Variants in SINHCAF observed in about 807,000 individuals in gnomAD.
SINHCAF encodes the protein SIN3-HDAC complex-associated factor.
SINHCAF carries 3 observed loss-of-function variants against 25.8 expected under a neutral mutation model. That is an observed-to-expected ratio of 0.12 (90% CI 0.05 to 0.30). SINHCAF has a LOEUF of 0.30. Ranked by LOEUF, SINHCAF falls within the 10% of genes least tolerant of loss-of-function variation. The probability of loss-of-function intolerance (pLI) is 1.00; values close to 1 mark genes in which losing one functional copy is unlikely to be tolerated. For synonymous variants in SINHCAF, 70 were observed against 85.5 expected, an observed-to-expected ratio of 0.82 and a Z score of 1.00; for missense variants, 121 against 262.3, an observed-to-expected ratio of 0.46 and a Z score of 3.72.
intron 2 of SINHCAF, among the ~76,000 whole-genome samples, chr12:31,297,467 A>ATTTTT (rs777087270): frequency 6.8e-5 from 7 of 103,422 alleles, no homozygotes; most frequent in African/African-American, 1.1e-4. Context: ...GTCAAGCGTA[A>ATTTTT]TTTTTTTTTT....
At chr12:31,287,533 C>T in intron 5 of SINHCAF, 101 bp downstream of exon 5, 6 of 865,292 alleles carry the variant, frequency 6.9e-6, no homozygotes, top group Non-Finnish European at 1.0e-5. Context: ...TCGTGTGTTA[C>T]CAACTGTTTG....
Position 31,325,100 on chromosome 12 carries a change from T to A in SINHCAF, c.-21+924A>T. On this transcript the variant is annotated intron_variant, in intron 1 of 5. Coordinates refer to ENST00000337682, the MANE Select transcript of SINHCAF (RefSeq NM_001135812.2). This position sits in a 1 kb window ranked among gnomAD's most constrained non-coding sequence, Gnocchi z 5.9. ...GCGGAGTTCACTGACTCCCGCGGCGTACACAACGCCGCCGCCTCCATCTCC... is the reference window on the plus strand; with the variant it reads ...GCGGAGTTCACTGACTCCCGCGGCGAACACAACGCCGCCGCCTCCATCTCC... 2.2e-6 allele frequency: 1 copy of A among 456,660 alleles called. No individual in the cohort carries two copies. The highest frequency in any genetic ancestry group is 2.3e-5 in the Admixed American group (1 of 42,584). The allele number at this position is 456,660 out of a possible 1,614,324, so 28.3% of individuals were successfully genotyped here.
chr12:31,286,499 T>C (rs898682919), intron 5 of SINHCAF, among the ~76,000 whole-genome samples: 53 of 151,934 alleles, frequency 3.5e-4, no homozygotes, highest in African/African-American at 1.2e-3. Flanking sequence ...CCTTTTCTAC[T>C]AAAAATACAA....
chr12:31,321,472 C>T (rs565534586), intron 1 of SINHCAF, among the ~76,000 whole-genome samples: 3 of 152,272 alleles, frequency 2.0e-5, no homozygotes, highest in Admixed American at 6.5e-5. Context: ...TGACACAGGC[C>T]TCAGTTTTAT....
intron 1 of SINHCAF, among the ~76,000 whole-genome samples, chr12:31,312,752 T>C (rs912211085): frequency 6.6e-6 from 1 of 152,230 alleles, no homozygotes; most frequent in Non-Finnish European, 1.5e-5. Flanking sequence ...GAACTTAAGT[T>C]CCTAATTTTA....
chr12:31,314,794 A>G (rs886313482), intron 1 of SINHCAF, among the ~76,000 whole-genome samples: 6 of 152,212 alleles, frequency 3.9e-5, no homozygotes, highest in African/African-American at 1.2e-4. Flanking sequence ...GCATATATCA[A>G]AGGATCTGCA....
chr12:31,321,599 TGAA>T (rs907689610), intron 1 of SINHCAF, among the ~76,000 whole-genome samples: 1 of 152,166 alleles, frequency 6.6e-6, no homozygotes, highest in Non-Finnish European at 1.5e-5. Flanking sequence ...ATTTTACAGA[TGAA>T]AAAAACTGGA....
Position 31,325,329 on chromosome 12 carries a change from C to A in SINHCAF, c.-21+695G>T. 2.3e-6 allele frequency: 1 copy of A among 431,746 alleles called. No individual in the cohort carries two copies. Among genetic ancestry groups the A allele is most frequent in the Non-Finnish European group, 4.6e-6 (1 of 215,162 alleles). 26.7% of individuals were successfully genotyped at this position (431,746 alleles called of 1,614,324 possible). On this transcript the variant is annotated intron_variant, in intron 1 of 5. Transcript: ENST00000337682. This position sits in a 1 kb window ranked among gnomAD's most constrained non-coding sequence, Gnocchi z 5.9. ...GGAAGACGGGCTGTTTTTAAGCGAC[C>A]GCGTGTTGCTCTCATTGTCGCATCC...
chr12:31,311,537 G>A (rs1939268368), intron 1 of SINHCAF: 1 of 241,392 alleles, frequency 4.1e-6, no homozygotes, highest in African/African-American at 2.3e-5. Context: ...CACGCTGCTG[G>A]TACTGGAAGT....
intron 1 of SINHCAF, among the ~76,000 whole-genome samples, chr12:31,322,252 C>G (rs969686628): frequency 2.0e-5 from 3 of 152,094 alleles, no homozygotes; most frequent in African/African-American, 7.2e-5. Context: ...AAACAAAAAC[C>G]ATTAAGCTCT....
intron 2 of SINHCAF, among the ~76,000 whole-genome samples, chr12:31,297,417 C>G (rs143951797): frequency 2.2e-3 from 337 of 151,914 alleles, no homozygotes; most frequent in African/African-American, 7.7e-3. Context: ...GCCTCAGCCT[C>G]CCAAAGTGCT....
chr12:31,293,310 T>C (rs1938409993), intron 4 of SINHCAF, among the ~76,000 whole-genome samples: 1 of 152,186 alleles, frequency 6.6e-6, no homozygotes, highest in Non-Finnish European at 1.5e-5. Flanking sequence ...TAATTAGACA[T>C]TCCTTTCTCA....
At chr12:31,293,974 C>A in intron 3 of SINHCAF, 43 bp from the exon 4 acceptor site, 1 of 1,520,422 alleles carries the variant, frequency 6.6e-7, no homozygotes, top group Non-Finnish European at 8.8e-7. Flanking sequence ...TTTAAAATGA[C>A]ACCAGTGTAT....
chr12:31,288,339 C>T (rs61918562), intron 4 of SINHCAF, among the ~76,000 whole-genome samples: 10,141 of 152,250 alleles, frequency 0.067, 511 homozygotes, highest in Non-Finnish European at 0.11. Flanking sequence ...GCCAAACCCA[C>T]GGAAAAAACT....
At chr12:31,303,855 T>C (rs1318468483) in intron 1 of SINHCAF, 1 of 152,176 alleles carries the variant, frequency 6.6e-6, no homozygotes, top group Non-Finnish European at 1.5e-5. Context: ...GGAAGCCAAT[T>C]AAATAGATCA....
chr12:31,294,817 C>G (rs184033571), intron 3 of SINHCAF, among the ~76,000 whole-genome samples: 1 of 152,272 alleles, frequency 6.6e-6, no homozygotes, highest in East Asian at 1.9e-4. Flanking sequence ...ATAACCTGCC[C>G]AAAATCCACA....
chr12:31,302,042 G>A (rs1938818755), intron 1 of SINHCAF, among the ~76,000 whole-genome samples: 1 of 152,040 alleles, frequency 6.6e-6, no homozygotes, highest in Admixed American at 6.6e-5. Context: ...TATTCTCATA[G>A]GCATCATATC....
intron 1 of SINHCAF, among the ~76,000 whole-genome samples, chr12:31,321,193 C>G (rs1209949878): frequency 6.6e-6 from 1 of 152,118 alleles, no homozygotes; most frequent in Admixed American, 6.5e-5. Context: ...ACAAAAAAGT[C>G]TCAATTTATA....
In SINHCAF at chr12:31,325,187, T is replaced by G; in HGVS notation, c.-21+837A>C. ...ACGGCCGCCCATAAACGGGAAGCCC[T>G]CGCGGTGTCGCCCACACCTACGCTA... On this transcript the variant is annotated intron_variant, in intron 1 of 5. Transcript: ENST00000337682. The surrounding 1 kb of genome is among the most constrained non-coding windows in gnomAD (Gnocchi z 5.9). The G allele has an allele frequency of 2.2e-6, 1 of 456,722 alleles. No homozygotes were observed. Among genetic ancestry groups the G allele is most frequent in the Non-Finnish European group, 4.4e-6 (1 of 226,966 alleles). The allele number at this position is 456,722 out of a possible 1,614,324, so 28.3% of individuals were successfully genotyped here. A position where few individuals can be genotyped will look rare whatever the true frequency, so the allele number is the denominator to read the frequency against.
Sources: allele counts gnomAD v4.1 joint callset (sites outside exome capture counted in the v4.1 genomes callset), GRCh38; gene constraint gnomAD v4.1.1; non-coding constraint Gnocchi (gnomAD v3.1); transcripts MANE v1.5; gene names NCBI Gene and HGNC (gene_info 2026-07-23, HGNC 2026-07-21).